CLTCL1: variants seen among roughly 807,000 people sequenced by gnomAD.
The protein encoded by CLTCL1 is clathrin heavy chain like 1, also known as clathrin heavy chain 2.
CLTCL1 carries 159 observed loss-of-function variants against 190.0 expected under a neutral mutation model. The ratio of observed to expected loss-of-function variants is 0.84; its 90% CI spans 0.74 to 0.95. The LOEUF (loss-of-function observed/expected upper bound fraction) is 0.95. Ranked by LOEUF, CLTCL1 falls within the 40% of genes least tolerant of loss-of-function variation. CLTCL1 has a pLI of 0.00. For missense variants in CLTCL1, 1,878 were observed against 2,033.4 expected (o/e 0.92, Z 1.47); for synonymous variants, 752 against 769.6 (o/e 0.98, Z 0.38).
At chr22:19,253,122 T>A (rs1308000033) in intron 3 of CLTCL1, among the ~76,000 whole-genome samples, 1 of 152,132 alleles carries the variant, frequency 6.6e-6, no homozygotes, top group Non-Finnish European at 1.5e-5. Flanking sequence ...AAGAACTACT[T>A]CTTTTTTTTC....
Position 19,291,680 on chromosome 22 carries a change from A to T in CLTCL1, c.-39T>A. ...CCTCGGCGGCGGCGGCGGCAGCGGC[A>T]GGAATGAACGCCGACCCCTCGCGCG... On this transcript the variant is annotated 5_prime_UTR_variant, in exon 1 of 33. Coordinates refer to ENST00000427926, the MANE Select transcript of CLTCL1 (RefSeq NM_007098.4). 1.5e-6 allele frequency: 2 copies of T among 1,346,732 alleles called. No individual in the cohort carries two copies. The highest frequency in any genetic ancestry group is 3.7e-5 in the South Asian group (2 of 54,426). 83.4% of individuals were successfully genotyped at this position (1,346,732 alleles called of 1,614,324 possible).
intron 2 of CLTCL1, among the ~76,000 whole-genome samples, chr22:19,270,551 C>A (rs997002820): frequency 1.3e-5 from 2 of 151,326 alleles, no homozygotes; most frequent in African/African-American, 2.4e-5. Context: ...CATGGTGAAA[C>A]CCCGTCTCTA....
chr22:19,244,054 CAA>C (rs1393877934), intron 3 of CLTCL1, among the ~76,000 whole-genome samples: 4 of 152,092 alleles, frequency 2.6e-5, no homozygotes, highest in South Asian at 4.1e-4. Flanking sequence ...GTCAAATGCT[CAA>C]AAAGCTAAGT....
At chr22:19,282,625 T>C (rs2087758940) in intron 1 of CLTCL1, among the ~76,000 whole-genome samples, 1 of 145,926 alleles carries the variant, frequency 6.9e-6, no homozygotes, top group Admixed American at 6.9e-5. Context: ...CGAGACTCTG[T>C]CTCAAAAAAA....
At chr22:19,229,784 C>G (rs2085860322) in intron 11 of CLTCL1, 54 bp downstream of exon 11, 1 of 1,509,520 alleles carries the variant, frequency 6.6e-7, no homozygotes, top group African/African-American at 1.5e-5. Flanking sequence ...TCTGCAAACC[C>G]AGAGAGGTGC....
At chr22:19,224,409 A>AG (rs2085674123) in intron 13 of CLTCL1, among the ~76,000 whole-genome samples, 1 of 152,196 alleles carries the variant, frequency 6.6e-6, no homozygotes, top group Non-Finnish European at 1.5e-5. Flanking sequence ...AGACACATCA[A>AG]GGGACAGAGA....
At chr22:19,201,703 G>A (rs939999940) in intron 22 of CLTCL1, among the ~76,000 whole-genome samples, 3 of 151,948 alleles carry the variant, frequency 2.0e-5, no homozygotes, top group African/African-American at 4.8e-5. Flanking sequence ...CTACCTGCCC[G>A]CTCCTATCTA....
chr22:19,221,672 C>A, intron 16 of CLTCL1, 61 bp from the exon 17 acceptor site: 1 of 1,377,860 alleles, frequency 7.3e-7, no homozygotes, highest in South Asian at 1.3e-5. Context: ...TTGAGGGCAA[C>A]TCCAGGGCTC....
intron 20 of CLTCL1, among the ~76,000 whole-genome samples, chr22:19,209,811 A>G (rs1453264352): frequency 4.6e-5 from 7 of 152,308 alleles, no homozygotes; most frequent in Admixed American, 2.6e-4. Flanking sequence ...GACTGGAAAG[A>G]AAGGGATGCA....
At position 19,187,688 on chromosome 22, in the gene CLTCL1, T is replaced by C. The variant is rs2084357879; in HGVS notation, c.4475A>G (p.Asn1492Ser). The change falls in exon 29 of 33, where the codon AAC (asparagine) becomes AGC (serine). Residue 1492 changes from asparagine (N) to serine (S), a missense_variant. Asn to Ser is a conservative substitution (Grantham distance 46). Coordinates refer to ENST00000427926, the MANE Select transcript of CLTCL1 (RefSeq NM_007098.4). ...CTCCAGCTGCTGAGCCAGGCTGATG[T>C]TGTCAAAGTTGTCATAGGCATCGAT... The part of the protein sequence containing the change: ...ASIDAYDNFD[N>S]ISLAQQLEKH... 2 of 1,613,692 alleles carry C rather than the reference T, an allele frequency of 1.2e-6. No homozygotes were observed. Among genetic ancestry groups the C allele is most frequent in the African/African-American group, 1.3e-5 (1 of 74,914 alleles).
intron 2 of CLTCL1, among the ~76,000 whole-genome samples, chr22:19,274,172 T>C (rs2087419404): frequency 6.6e-6 from 1 of 152,064 alleles, no homozygotes; most frequent in Admixed American, 6.6e-5. Context: ...TCAAAAGTAC[T>C]ACAACAAGGC....
chr22:19,190,596 C>CAAAAA lies in CLTCL1; in HGVS notation c.4323+703_4323+707dup, dbSNP rs55780206. Among the ~76,000 whole-genome samples the CAAAAA allele has an allele frequency of 2.6e-4, 19 of 72,814 alleles. 1 individual carries two copies. Among genetic ancestry groups the CAAAAA allele is most frequent in the African/African-American group, 3.3e-4 (6 of 18,334 alleles). The allele number at this position is 72,814 out of a possible 152,430, so 47.8% of individuals were successfully genotyped here. A position where few individuals can be genotyped will look rare whatever the true frequency, so the allele number is the denominator to read the frequency against. ...CCTGGGCAACAGAGCAAGACTGTCT[C>CAAAAA]AAAAAAAAAAAAAAAAAAAAAAAGA... is the stretch of plus-strand genomic sequence containing the variant. On this transcript the variant is annotated intron_variant, in intron 27 of 32. Transcript: ENST00000427926.
chr22:19,203,652 C>A (rs1386410116), intron 22 of CLTCL1, among the ~76,000 whole-genome samples: 1 of 152,168 alleles, frequency 6.6e-6, no homozygotes, highest in South Asian at 2.1e-4. Flanking sequence ...CATCCCCCCC[C>A]AGCCCCACAC....
intron 10 of CLTCL1, 71 bp from the exon 11 acceptor site, chr22:19,230,046 G>T: frequency 1.2e-5 from 16 of 1,286,616 alleles, no homozygotes; most frequent in South Asian, 5.1e-5. Flanking sequence ...TATTGAAATA[G>T]TTCCTGAAAT....
At chr22:19,279,709 C>T (rs906239769) in intron 1 of CLTCL1, among the ~76,000 whole-genome samples, 8 of 152,204 alleles carry the variant, frequency 5.3e-5, no homozygotes, top group African/African-American at 1.9e-4. Flanking sequence ...CTACCCCAAG[C>T]CTTTTATCTG....
In CLTCL1 at chr22:19,196,154, A is replaced by G. The variant is rs2084695822; in HGVS notation, c.4191+112T>C. On this transcript the variant is annotated intron_variant, in intron 26 of 32. Transcript: ENST00000427926. The stretch of plus-strand genomic sequence containing the variant: ...TGGACTCATACAAGTGAACGCACAC[A>G]CAGCATGGGGGCATGCTGGTACTCA... The G allele has an allele frequency of 2.8e-6, 3 of 1,086,192 alleles. No individual in the cohort carries two copies. The Admixed American group carries it at 7.3e-5, about 26-fold the overall frequency. The allele number at this position is 1,086,192 out of a possible 1,614,324, so 67.3% of individuals were successfully genotyped here. A position where few individuals can be genotyped will look rare whatever the true frequency, so the allele number is the denominator to read the frequency against.
At chr22:19,254,576 A>G (rs1452601503) in intron 2 of CLTCL1, among the ~76,000 whole-genome samples, 1 of 152,236 alleles carries the variant, frequency 6.6e-6, no homozygotes, top group Admixed American at 6.5e-5. Flanking sequence ...CAGCAAAAAC[A>G]TAAGACACCC....
intron 18 of CLTCL1, among the ~76,000 whole-genome samples, chr22:19,217,864 AAAAAG>A (rs2085440418): frequency 6.6e-6 from 1 of 151,678 alleles, no homozygotes; most frequent in South Asian, 2.1e-4. Flanking sequence ...AAAAAAAAAA[AAAAAG>A]AAAGAAAGAA....
chr22:19,234,591 T>C lies in CLTCL1; in HGVS notation c.1085A>G (p.Lys362Arg), dbSNP rs782652700. ...AVRSNLAGAE[K>R]LFVRKFNTLF... ...GGTATTGAATTTTCTCACAAACAAC[T>C]TCTCTGCCCCAGCCAGGTTACTACG... The change falls in exon 7 of 33, where the codon AAG becomes AGG. Residue 362 changes from lysine (K) to arginine (R), a missense_variant. By Grantham distance (26) the Lys-to-Arg change is conservative (BLOSUM62 2). Transcript: ENST00000427926. 2.2e-5 allele frequency: 35 copies of C among 1,613,914 alleles called. No individual in the cohort carries two copies. Among genetic ancestry groups the C allele is most frequent in the Non-Finnish European group, 2.9e-5 (34 of 1,179,910 alleles).
Sources: gnomAD v4.1 joint callset for allele counts (sites outside exome capture counted in the v4.1 genomes callset) on GRCh38, gnomAD v4.1.1 for gene constraint, MANE v1.5 for transcripts, NCBI Gene and HGNC (gene_info 2026-07-23, HGNC 2026-07-21) for gene names.